STX3: variants seen among roughly 807,000 people sequenced by gnomAD.
The protein encoded by STX3 is syntaxin-3.
In STX3, 19 loss-of-function variants were observed where a neutral mutation model predicts 40.2. The ratio of observed to expected loss-of-function variants is 0.47; its 90% CI spans 0.33 to 0.69. STX3 has a LOEUF of 0.69. Among genes scored for constraint, STX3 ranks in the 30% least tolerant of loss-of-function variants. The pLI, the probability that STX3 is intolerant of heterozygous loss-of-function variation, is 0.02. For missense variants in STX3, 364 were observed against 366.7 expected (o/e 0.99, Z 0.06); for synonymous variants, 122 against 132.2 (o/e 0.92, Z 0.53).
intron 10 of STX3, chr11:59,800,542 G>T (rs1865829749): frequency 1.0e-6 from 1 of 985,258 alleles, no homozygotes; most frequent in Non-Finnish European, 1.2e-6. Flanking sequence ...GAGCGGTGTT[G>T]CTGTGGGACC....
Position 59,792,209 on chromosome 11 carries a change from G to C in STX3, c.460G>C (p.Glu154Gln), listed in dbSNP as rs201661485. Residue 154 changes from glutamate to glutamine, a missense_variant, in exon 6 of 11, where the codon GAA becomes CAA. By Grantham distance (29) the Glu-to-Gln change is conservative (BLOSUM62 2). Coordinates refer to ENST00000337979, the MANE Select transcript of STX3 (RefSeq NM_004177.5). ...RSKGRIQRQL[E>Q]ITGKKTTDEE... ...CAAAGGGCGAATCCAGCGGCAGCTCGAAATTAGTATGTACTTGAGGTTTGG... is the reference window on the plus strand; with the variant it reads ...CAAAGGGCGAATCCAGCGGCAGCTCCAAATTAGTATGTACTTGAGGTTTGG... 1.9e-6 allele frequency: 3 copies of C among 1,613,632 alleles called. No homozygotes were observed. Among genetic ancestry groups the C allele is most frequent in the Non-Finnish European group, 2.5e-6 (3 of 1,179,904 alleles).
In STX3 at chr11:59,805,176, T is replaced by TAAAAAAAAAAAAA. The variant is rs371101239; in HGVS notation, c.*4356_*4368dup. Reference sequence around the variant, plus strand: ...TGGGCAACAAGAGCTAAATTCCATCTAAAAAAAAAAAAAAAACAAAAAAAA... The same window carrying TAAAAAAAAAAAAA: ...TGGGCAACAAGAGCTAAATTCCATCTAAAAAAAAAAAAAAAAAAAAAAAAAAAAACAAAAAAAA... On this transcript the variant is annotated 3_prime_UTR_variant, in exon 11 of 11. Transcript: ENST00000337979. The TAAAAAAAAAAAAA allele has an allele frequency of 1.2e-5, 1 of 80,698 alleles. No individual in the cohort carries two copies. Among genetic ancestry groups the TAAAAAAAAAAAAA allele is most frequent in the Admixed American group, 1.5e-4 (1 of 6,490 alleles). The allele number at this position is 80,698 out of a possible 1,614,324, so 5.0% of individuals were successfully genotyped here.
Position 59,795,325 on chromosome 11 carries a change from C to G in STX3, c.676-47C>G, listed in dbSNP as rs574686943. On this transcript the variant is annotated intron_variant, in intron 8 of 10. Transcript: ENST00000337979. ...AATCCCTTCCCCGCATTGGCTAGGACTGACCTGAGACGTTTACTTGGTGTG... is the reference window on the plus strand; with the variant it reads ...AATCCCTTCCCCGCATTGGCTAGGAGTGACCTGAGACGTTTACTTGGTGTG... The G allele has an allele frequency of 2.0e-5, 30 of 1,515,172 alleles. No homozygotes were observed. In the African/African-American group the frequency reaches 3.6e-4, roughly 18 times the overall value. 93.9% of individuals were successfully genotyped at this position (1,515,172 alleles called of 1,614,324 possible). A position where few individuals can be genotyped will look rare whatever the true frequency, so the allele number is the denominator to read the frequency against.
At chr11:59,759,425 T>A (rs1248766363) in intron 1 of STX3, among the ~76,000 whole-genome samples, 1 of 152,120 alleles carries the variant, frequency 6.6e-6, no homozygotes, top group Non-Finnish European at 1.5e-5. Context: ...CTGCTGGGCG[T>A]CAAGTTTAGG....
intron 1 of STX3, among the ~76,000 whole-genome samples, chr11:59,763,230 C>T (rs1863127320): frequency 6.6e-6 from 1 of 152,162 alleles, no homozygotes; most frequent in Non-Finnish European, 1.5e-5. Flanking sequence ...AAGGAGTGAA[C>T]ATTGGATTAG....
intron 10 of STX3, chr11:59,800,589 C>T: frequency 2.0e-6 from 2 of 985,390 alleles, no homozygotes; most frequent in South Asian, 9.4e-5. Context: ...TTGTCCCTTC[C>T]CACCACGTCC....
chr11:59,760,290 T>C (rs1862962025), intron 1 of STX3, among the ~76,000 whole-genome samples: 1 of 152,194 alleles, frequency 6.6e-6, no homozygotes, highest in African/African-American at 2.4e-5. Context: ...TGTCAAAATT[T>C]CTACCCATCT....
chr11:59,793,509 A>C lies in STX3; in HGVS notation c.670A>C (p.Asn224His). 6.2e-7 allele frequency: 1 copy of C among 1,613,158 alleles called. No homozygotes were observed. The highest frequency in any genetic ancestry group is 1.7e-4 in the Middle Eastern group (1 of 6,044). Residue 224 changes from asparagine (N) to histidine (H), a missense_variant, in exon 8 of 11, where the codon AAT becomes CAT. Transcript: ENST00000337979. ...TATGGACATCGCCATGCTGGTGGAGAATCAGGTAAGTGGCAGTGAGTCCCA... is the reference window on the plus strand; with the variant it reads ...TATGGACATCGCCATGCTGGTGGAGCATCAGGTAAGTGGCAGTGAGTCCCA... ...MFMDIAMLVENQGEMLDNIEL... is the reference protein window; with the variant it reads ...MFMDIAMLVEHQGEMLDNIEL...
chr11:59,783,899 C>T (rs1864585003), intron 2 of STX3, among the ~76,000 whole-genome samples: 1 of 152,176 alleles, frequency 6.6e-6, no homozygotes, highest in African/African-American at 2.4e-5. Flanking sequence ...CCCTGAAATG[C>T]CTCCAAATAG....
chr11:59,775,796 G>C (rs76052157), intron 2 of STX3, among the ~76,000 whole-genome samples: 3,476 of 152,278 alleles, frequency 0.023, 134 homozygotes, highest in African/African-American at 0.08. Context: ...GACCTTCAGG[G>C]CTGCTGCATT....
intron 2 of STX3, among the ~76,000 whole-genome samples, chr11:59,775,857 C>G (rs1863936902): frequency 6.6e-6 from 1 of 152,096 alleles, no homozygotes; most frequent in Non-Finnish European, 1.5e-5. Flanking sequence ...AGGGAAAAAC[C>G]CCGTGAAACT....
Position 59,802,269 on chromosome 11 carries a change from T to C in STX3, c.*1445T>C, listed in dbSNP as rs1261410157. On this transcript the variant is annotated 3_prime_UTR_variant, in exon 11 of 11. Transcript: ENST00000337979. The stretch of plus-strand genomic sequence containing the variant: ...CAGCAGCCGCTAGGAAATCTTCAAG[T>C]GTAGTGTCTGTGCTAACCCAGTGGT... 1 of 985,338 alleles carries C rather than the reference T, an allele frequency of 1.0e-6. No homozygotes were observed. Among genetic ancestry groups the C allele is most frequent in the Non-Finnish European group, 1.2e-6 (1 of 829,974 alleles). The allele number at this position is 985,338 out of a possible 1,614,324, so 61.0% of individuals were successfully genotyped here.
chr11:59,789,250 T>C, intron 4 of STX3: 1 of 248,790 alleles, frequency 4.0e-6, no homozygotes, highest in Non-Finnish European at 7.9e-6. Context: ...TCAACTTGTC[T>C]CTCTTTTTTT....
At chr11:59,787,203 T>G in intron 3 of STX3, 67 bp downstream of exon 3, 1 of 1,430,038 alleles carries the variant, frequency 7.0e-7, no homozygotes, top group African/African-American at 1.4e-5. Context: ...CCAGCCTTGT[T>G]TTCTTGCCCT....
intron 2 of STX3, among the ~76,000 whole-genome samples, chr11:59,777,025 T>A (rs1864002648): frequency 6.6e-6 from 1 of 152,262 alleles, no homozygotes; most frequent in Non-Finnish European, 1.5e-5. Context: ...GCTTACTGTC[T>A]TCAAGATAGC....
chr11:59,770,091 G>A (rs1311679106), intron 1 of STX3, among the ~76,000 whole-genome samples: 1 of 150,326 alleles, frequency 6.7e-6, no homozygotes, highest in African/African-American at 2.5e-5. Flanking sequence ...TTGGGTGTTT[G>A]TGTATGTGGA....
chr11:59,776,455 T>C (rs1283462565), intron 2 of STX3, among the ~76,000 whole-genome samples: 1 of 152,146 alleles, frequency 6.6e-6, no homozygotes, highest in Admixed American at 6.5e-5. Context: ...GGTGTAGATA[T>C]ACTGTTGAAA....
rs1353817545 is a variant in STX3 at position 59,802,910 on chromosome 11, C to T, written c.*2086C>T. 1 of 985,254 alleles carries T rather than the reference C, an allele frequency of 1.0e-6. No individual in the cohort carries two copies. The highest frequency in any genetic ancestry group is 1.7e-5 in the African/African-American group (1 of 57,214). The allele number at this position is 985,254 out of a possible 1,614,324, so 61.0% of individuals were successfully genotyped here. A position where few individuals can be genotyped will look rare whatever the true frequency, so the allele number is the denominator to read the frequency against. On this transcript the variant is annotated 3_prime_UTR_variant, in exon 11 of 11. Transcript: ENST00000337979. ...GTGTTTCAGATTTGAGGTGTTCCCC[C>T]CAAAAGAATTTGGTTCAGTCCTTGG...
In STX3 at chr11:59,804,549, G is replaced by A. The variant is rs1385556626; in HGVS notation, c.*3725G>A. The A allele has an allele frequency of 6.6e-6, 1 of 152,174 alleles. No homozygotes were observed. The highest frequency in any genetic ancestry group is 6.5e-5 in the Admixed American group (1 of 15,288). The allele number at this position is 152,174 out of a possible 1,614,324, so 9.4% of individuals were successfully genotyped here. On this transcript the variant is annotated 3_prime_UTR_variant, in exon 11 of 11. Transcript: ENST00000337979. ...AGGCTGTGTAAAGCCGCTTGGGAAT[G>A]GGCTGATCTGCTTATGCAAAAATGC...
Sources: gnomAD v4.1 joint callset for allele counts (sites outside exome capture counted in the v4.1 genomes callset) on GRCh38, gnomAD v4.1.1 for gene constraint, MANE v1.5 for transcripts, NCBI Gene and HGNC (gene_info 2026-07-23, HGNC 2026-07-21) for gene names.